The following SULF1 variants were observed in gnomAD, a reference collection of about 807,000 sequenced individuals.
SULF1 encodes sulfatase 1, also known as extracellular sulfatase Sulf-1.
SULF1 carries 46 observed loss-of-function variants against 110.5 expected under a neutral mutation model. The observed-to-expected ratio is 0.42, with a 90% CI of 0.33 to 0.53. The LOEUF (loss-of-function observed/expected upper bound fraction) is 0.53, where lower values mean the gene tolerates loss of function less well. Ranked by LOEUF, SULF1 falls within the 20% of genes least tolerant of loss-of-function variation. The pLI, the probability that SULF1 is intolerant of heterozygous loss-of-function variation, is 0.12. For synonymous variants in SULF1, 371 were observed against 387.1 expected (o/e 0.96, Z 0.49); for missense variants, 941 against 1,094.2 (o/e 0.86, Z 1.98).
chr8:69,579,843 G>T (rs887066029), intron 6 of SULF1, among the ~76,000 whole-genome samples: 1 of 152,164 alleles, frequency 6.6e-6, no homozygotes, highest in South Asian at 2.1e-4. Context: ...GAAAGTCAAT[G>T]TGTAAAGATT....
At chr8:69,490,311 C>A (rs957246819), upstream of SULF1, among the ~76,000 whole-genome samples, 1 of 151,996 alleles carries the variant, frequency 6.6e-6, no homozygotes, top group Non-Finnish European at 1.5e-5. Context: ...TCATGTTGCC[C>A]ATGCTAGTCT....
At chr8:69,632,525 A>G (rs1358441337) in intron 19 of SULF1, among the ~76,000 whole-genome samples, 1 of 152,134 alleles carries the variant, frequency 6.6e-6, no homozygotes, top group East Asian at 1.9e-4. Flanking sequence ...TTGCTATGTC[A>G]ACTTAAGCCC....
At chr8:69,616,630 G>A (rs1809165980) in intron 13 of SULF1, among the ~76,000 whole-genome samples, 1 of 149,662 alleles carries the variant, frequency 6.7e-6, no homozygotes, top group South Asian at 2.1e-4. Flanking sequence ...TTGAACTCCT[G>A]TCCTCAGGCA....
At chr8:69,533,417 C>T (rs1027396001) in intron 3 of SULF1, among the ~76,000 whole-genome samples, 2 of 152,128 alleles carry the variant, frequency 1.3e-5, no homozygotes, top group African/African-American at 4.8e-5. Flanking sequence ...CCCCCTCCCC[C>T]AGTGGGCCCT....
At chr8:69,469,230 T>C (rs1384042553) in intron 1 of SULF1, 2 of 152,230 alleles carry the variant, frequency 1.3e-5, no homozygotes, top group African/African-American at 2.4e-5. Flanking sequence ...TACCTCAGTT[T>C]GACATTTGGT....
chr8:69,563,910 G>A lies in SULF1; in HGVS notation c.-60-6G>A. Reference sequence around the variant, plus strand: ...TCACCGTCTCCGTTTTTCTCTGACTGCCCAGAACTCCAGAAATCAGGAGAC... The same window carrying A: ...TCACCGTCTCCGTTTTTCTCTGACTACCCAGAACTCCAGAAATCAGGAGAC... On this transcript the variant is annotated splice_region_variant and splice_polypyrimidine_tract_variant and intron_variant, in intron 4 of 22. Transcript: ENST00000402687. 1 of 1,547,902 alleles carries A rather than the reference G, an allele frequency of 6.5e-7. No individual in the cohort carries two copies. The highest frequency in any genetic ancestry group is 8.9e-7 in the Non-Finnish European group (1 of 1,127,120).
At chr8:69,543,252 C>T (rs1433964737) in intron 3 of SULF1, among the ~76,000 whole-genome samples, 1 of 152,070 alleles carries the variant, frequency 6.6e-6, no homozygotes, top group Non-Finnish European at 1.5e-5. Flanking sequence ...GGTACACGTG[C>T]AAGATATGCA....
At chr8:69,481,037 T>A (rs1479886356) in intron 1 of SULF1, among the ~76,000 whole-genome samples, 1 of 151,992 alleles carries the variant, frequency 6.6e-6, no homozygotes, top group African/African-American at 2.4e-5. Flanking sequence ...TAAAGTATAA[T>A]AATAATAAAA....
At chr8:69,520,537 A>G (rs1812229005) in intron 3 of SULF1, among the ~76,000 whole-genome samples, 1 of 152,228 alleles carries the variant, frequency 6.6e-6, no homozygotes, top group African/African-American at 2.4e-5. Context: ...AATTTTTCAA[A>G]GTAATGTTTG....
At chr8:69,515,259 C>A (rs962566713) in intron 3 of SULF1, among the ~76,000 whole-genome samples, 1 of 152,184 alleles carries the variant, frequency 6.6e-6, no homozygotes, top group African/African-American at 2.4e-5. Flanking sequence ...GCTCCCATAC[C>A]TCAACCCTTG....
chr8:69,635,314 T>G (rs1180614696), intron 19 of SULF1, among the ~76,000 whole-genome samples: 1 of 152,214 alleles, frequency 6.6e-6, no homozygotes, highest in East Asian at 1.9e-4. Context: ...GTGACAATGA[T>G]GTCTCAATAT....
intron 13 of SULF1, among the ~76,000 whole-genome samples, chr8:69,610,237 A>G (rs1220162586): frequency 6.6e-6 from 1 of 152,258 alleles, no homozygotes; most frequent in East Asian, 1.9e-4. Context: ...TAACGGAAAT[A>G]GAATGTAGTT....
chr8:69,607,508 G>T (rs543175702), intron 13 of SULF1, among the ~76,000 whole-genome samples: 8 of 152,188 alleles, frequency 5.3e-5, no homozygotes, highest in African/African-American at 1.9e-4. Context: ...AGGACTACAG[G>T]CACACACCAC....
chr8:69,501,666 A>G (rs1253044638), intron 2 of SULF1, among the ~76,000 whole-genome samples: 2 of 152,232 alleles, frequency 1.3e-5, no homozygotes, highest in African/African-American at 4.8e-5. Flanking sequence ...AAGCAGTCAA[A>G]ATAGAAACTT....
intron 3 of SULF1, among the ~76,000 whole-genome samples, chr8:69,538,970 C>T (rs987127033): frequency 6.6e-6 from 1 of 152,204 alleles, no homozygotes; most frequent in Admixed American, 6.5e-5. Flanking sequence ...GGATTGCAGG[C>T]GTAAGCTACC....
At chr8:69,612,747 A>G (rs1256000899) in intron 13 of SULF1, among the ~76,000 whole-genome samples, 1 of 151,944 alleles carries the variant, frequency 6.6e-6, no homozygotes, top group Non-Finnish European at 1.5e-5. Flanking sequence ...TAGATTCTGG[A>G]TATTAGTCCT....
chr8:69,575,034 G>A (rs898659617), intron 5 of SULF1, among the ~76,000 whole-genome samples: 8 of 152,078 alleles, frequency 5.3e-5, no homozygotes, highest in Non-Finnish European at 1.0e-4. Context: ...GGACCTGTTG[G>A]AAATCTGAGG....
chr8:69,638,864 G>A lies in SULF1; in HGVS notation c.2551+6G>A. The A allele has an allele frequency of 6.3e-7, 1 of 1,595,780 alleles. No individual in the cohort carries two copies. On this transcript the variant is annotated splice_donor_region_variant and intron_variant, in intron 21 of 22. Coordinates refer to ENST00000402687, the MANE Select transcript of SULF1 (RefSeq NM_001128205.2). The stretch of plus-strand genomic sequence containing the variant: ...ACCTAAGAATCTTGATGTTGGTAAG[G>A]AAAAAAATACTATTTTTTCTATTTT...
intron 2 of SULF1, among the ~76,000 whole-genome samples, chr8:69,497,135 A>G (rs1454283323): frequency 6.6e-6 from 1 of 150,616 alleles, no homozygotes; most frequent in East Asian, 2.0e-4. Flanking sequence ...GACGGAAGCT[A>G]AAACAGAATG....
Sources: allele counts gnomAD v4.1 joint callset (sites outside exome capture counted in the v4.1 genomes callset), GRCh38; gene constraint gnomAD v4.1.1; transcripts MANE v1.5; gene names NCBI Gene and HGNC (gene_info 2026-07-23, HGNC 2026-07-21).